CSMD1: variants seen among roughly 807,000 people sequenced by gnomAD.
CSMD1 encodes CUB and Sushi multiple domains 1.
CSMD1 carries 213 observed loss-of-function variants against 417.5 expected under a neutral mutation model. The ratio of observed to expected loss-of-function variants is 0.51; its 90% CI spans 0.46 to 0.57. The LOEUF (loss-of-function observed/expected upper bound fraction) is 0.57, where lower values mean the gene tolerates loss of function less well. CSMD1 is among the 20% of genes least tolerant of loss of function. The pLI is 0.00. For missense variants in CSMD1, 6,923 were observed against 4,529.7 expected (o/e 1.53, Z -15.17); for synonymous variants, 2,862 against 1,736.8 (o/e 1.65, Z -16.11).
intron 3 of CSMD1, among the ~76,000 whole-genome samples, chr8:4,157,183 G>A (rs116910688): frequency 0.022 from 3,327 of 152,234 alleles, 52 homozygotes; most frequent in Non-Finnish European, 0.034. Flanking sequence ...TTTGGGACAA[G>A]TGACGATGTA....
At chr8:3,899,599 T>G (rs1300255576) in intron 5 of CSMD1, among the ~76,000 whole-genome samples, 3 of 152,186 alleles carry the variant, frequency 2.0e-5, no homozygotes, top group Non-Finnish European at 4.4e-5. Flanking sequence ...AGGATCAATA[T>G]AGCTCCAACA....
At chr8:4,607,345 C>T (rs564160150) in intron 2 of CSMD1, among the ~76,000 whole-genome samples, 10 of 152,070 alleles carry the variant, frequency 6.6e-5, no homozygotes, top group African/African-American at 2.2e-4. Context: ...GTGCGGGGGA[C>T]GGGCTATTGA....
At chr8:2,947,367 C>T (rs1802319538) in intron 68 of CSMD1, among the ~76,000 whole-genome samples, 1 of 152,142 alleles carries the variant, frequency 6.6e-6, no homozygotes, top group African/African-American at 2.4e-5. Flanking sequence ...AGATGCTTGC[C>T]ATCATTCTTA....
intron 33 of CSMD1, among the ~76,000 whole-genome samples, chr8:3,192,123 G>C (rs976777066): frequency 1.3e-5 from 2 of 152,086 alleles, no homozygotes; most frequent in Non-Finnish European, 2.9e-5. Flanking sequence ...GTTTCAATTT[G>C]GTGTTGAGAT....
At chr8:3,101,360 G>T (rs145638184) in intron 46 of CSMD1, among the ~76,000 whole-genome samples, 1 of 152,332 alleles carries the variant, frequency 6.6e-6, no homozygotes, top group African/African-American at 2.4e-5. Flanking sequence ...CTTCTGTGAT[G>T]TCTCTTACTC....
intron 17 of CSMD1, among the ~76,000 whole-genome samples, 190 bp from the exon 18 acceptor site, chr8:3,387,872 G>C (rs879479300): frequency 1.3e-5 from 2 of 152,128 alleles, no homozygotes; most frequent in Non-Finnish European, 2.9e-5. Flanking sequence ...TTTTAAAAGA[G>C]AGATTTATAT....
rs569616539 is a variant in CSMD1 at position 4,405,323 on chromosome 8, C to T, written c.415+14630G>A. 2.6e-5 allele frequency among the ~76,000 whole-genome samples: 4 copies of T among 152,074 alleles called. No individual in the cohort carries two copies. The South Asian group carries it at 8.3e-4, about 32-fold the overall frequency. The stretch of plus-strand genomic sequence containing the variant: ...AATAACTTCCACTTAGTTTTTTTCT[C>T]ATTTTTTTTTTCTTCTCAATTTCCT... On this transcript the variant is annotated intron_variant, in intron 3 of 69. Coordinates refer to ENST00000635120, the MANE Select transcript of CSMD1 (RefSeq NM_033225.6).
At chr8:4,729,174 T>A (rs1246499833) in intron 1 of CSMD1, among the ~76,000 whole-genome samples, 2 of 151,800 alleles carry the variant, frequency 1.3e-5, no homozygotes, top group East Asian at 1.9e-4. Context: ...GGGAGAAAAA[T>A]CAGAGGTCTC....
chr8:4,605,325 A>G (rs1045853620), intron 2 of CSMD1, among the ~76,000 whole-genome samples: 3 of 152,208 alleles, frequency 2.0e-5, no homozygotes, highest in Non-Finnish European at 4.4e-5. Context: ...GTTCTCTTGA[A>G]GCAATGAACC....
At chr8:4,189,185 G>C (rs190333147) in intron 3 of CSMD1, among the ~76,000 whole-genome samples, 60 of 152,360 alleles carry the variant, frequency 3.9e-4, no homozygotes, top group Admixed American at 3.5e-3. Flanking sequence ...CAGCACGTAA[G>C]TGCCCAGCTA....
At chr8:4,020,920 T>C (rs1796757300) in intron 4 of CSMD1, among the ~76,000 whole-genome samples, 1 of 152,212 alleles carries the variant, frequency 6.6e-6, no homozygotes, top group Non-Finnish European at 1.5e-5. Flanking sequence ...TTGCTGAAAC[T>C]TAAAGGGAAG....
chr8:3,807,977 C>T (rs1280578848), intron 5 of CSMD1, among the ~76,000 whole-genome samples: 2 of 152,148 alleles, frequency 1.3e-5, no homozygotes, highest in Admixed American at 6.6e-5. Flanking sequence ...ACATGCAGCC[C>T]TATTCCTGTG....
intron 3 of CSMD1, among the ~76,000 whole-genome samples, chr8:4,237,389 T>A (rs1802130302): frequency 1.3e-5 from 2 of 152,180 alleles, no homozygotes; most frequent in South Asian, 2.1e-4. Flanking sequence ...TTATATAAAA[T>A]GAGGTATTGA....
At chr8:3,794,129 C>A (rs1799905950) in intron 5 of CSMD1, among the ~76,000 whole-genome samples, 1 of 152,074 alleles carries the variant, frequency 6.6e-6, no homozygotes, top group Admixed American at 6.6e-5. Context: ...GCCTAATGAA[C>A]CGGTGTTTGT....
intron 3 of CSMD1, among the ~76,000 whole-genome samples, chr8:4,396,436 T>C (rs1057155168): frequency 5.3e-5 from 8 of 152,122 alleles, no homozygotes; most frequent in Non-Finnish European, 1.2e-4. Flanking sequence ...CACTGAACTC[T>C]AGCCTGGTGG....
At chr8:4,074,985 T>A (rs920534860) in intron 3 of CSMD1, among the ~76,000 whole-genome samples, 3 of 152,174 alleles carry the variant, frequency 2.0e-5, no homozygotes, top group African/African-American at 7.2e-5. Flanking sequence ...TAATGGGATA[T>A]GAACTCTACA....
At chr8:4,761,894 C>CTATCTATCAAT (rs1563319426) in intron 1 of CSMD1, among the ~76,000 whole-genome samples, 10 of 83,746 alleles carry the variant, frequency 1.2e-4, no homozygotes, top group East Asian at 3.8e-4. Flanking sequence ...TATCTACCTA[C>CTATCTATCAAT]CTATCTATCT....
chr8:4,489,277 C>G lies in CSMD1; in HGVS notation c.303-69212G>C, dbSNP rs535904466. 2.0e-5 allele frequency among the ~76,000 whole-genome samples: 3 copies of G among 152,296 alleles called. No homozygotes were observed. In the South Asian group the frequency reaches 6.2e-4, roughly 32 times the overall value. ...CCTTTTTCTAAGAATAAGCAAGGAGCTGCAGAAAGTTCTGGGAAAATGTCT... is the reference window on the plus strand; with the variant it reads ...CCTTTTTCTAAGAATAAGCAAGGAGGTGCAGAAAGTTCTGGGAAAATGTCT... On this transcript the variant is annotated intron_variant, in intron 2 of 69. Transcript: ENST00000635120.
At chr8:3,600,148 G>A (rs1201381431) in intron 8 of CSMD1, among the ~76,000 whole-genome samples, 1 of 152,208 alleles carries the variant, frequency 6.6e-6, no homozygotes, top group Non-Finnish European at 1.5e-5. Context: ...CATAACTGCA[G>A]GTGGCATCAG....
Sources: gnomAD v4.1 joint callset for allele counts (sites outside exome capture counted in the v4.1 genomes callset) on GRCh38, gnomAD v4.1.1 for gene constraint, MANE v1.5 for transcripts, NCBI Gene and HGNC (gene_info 2026-07-23, HGNC 2026-07-21) for gene names.